CAPS2: variants seen among roughly 807,000 people sequenced by gnomAD.
The protein encoded by CAPS2 is calcyphosin-2.
A neutral mutation model predicts 86.5 loss-of-function variants in CAPS2; 98 were observed. The ratio of observed to expected loss-of-function variants is 1.13; its 90% CI spans 0.96 to 1.34. The LOEUF is 1.34. Among genes scored for constraint, CAPS2 ranks in the 40% most tolerant of loss-of-function variants. The pLI, the probability that CAPS2 is intolerant of heterozygous loss-of-function variation, is 0.00. For synonymous variants in CAPS2, 210 were observed against 225.1 expected, an observed-to-expected ratio of 0.93 and a Z score of 0.60; for missense variants, 729 against 686.8, an observed-to-expected ratio of 1.06 and a Z score of -0.69.
chr12:75,326,668 A>G (rs1240825646), upstream of CAPS2: 5 of 559,136 alleles, frequency 8.9e-6, no homozygotes, highest in Non-Finnish European at 1.6e-5. Flanking sequence ...TCAACTTTTT[A>G]TAGGGCAATT....
At chr12:75,384,039 G>T (rs2045147477) in intron 1 of CAPS2, among the ~76,000 whole-genome samples, 1 of 152,050 alleles carries the variant, frequency 6.6e-6, no homozygotes, top group Admixed American at 6.6e-5. Context: ...AGGTAAATTT[G>T]TAGCATTGAA....
intron 14 of CAPS2, among the ~76,000 whole-genome samples, chr12:75,287,794 A>C (rs770872955): frequency 6.6e-6 from 1 of 152,150 alleles, no homozygotes; most frequent in Non-Finnish European, 1.5e-5. Context: ...AATTGAACCC[A>C]AGGAGGGGGT....
At chr12:75,367,756 G>A (rs1018412196) in intron 1 of CAPS2, among the ~76,000 whole-genome samples, 17 of 151,958 alleles carry the variant, frequency 1.1e-4, no homozygotes, top group Admixed American at 2.0e-4. Flanking sequence ...AAAATAATGC[G>A]TTTTGTTCTT....
chr12:75,367,453 C>G (rs1291206312), intron 1 of CAPS2, among the ~76,000 whole-genome samples: 1 of 151,970 alleles, frequency 6.6e-6, no homozygotes, highest in African/African-American at 2.4e-5. Flanking sequence ...AATACGAATA[C>G]ACACATTAGC....
chr12:75,285,372 G>A (rs2034692007), intron 14 of CAPS2, among the ~76,000 whole-genome samples: 1 of 151,394 alleles, frequency 6.6e-6, no homozygotes, highest in South Asian at 2.1e-4. Flanking sequence ...ATAGTTATAG[G>A]GCACAATATG....
chr12:75,339,321 T>C (rs1428652445), intron 1 of CAPS2, among the ~76,000 whole-genome samples: 1 of 152,216 alleles, frequency 6.6e-6, no homozygotes, highest in Non-Finnish European at 1.5e-5. Flanking sequence ...TATCCAATTG[T>C]GGTTTTGATT....
intron 1 of CAPS2, among the ~76,000 whole-genome samples, chr12:75,355,777 A>G (rs979215300): frequency 6.6e-6 from 1 of 152,182 alleles, no homozygotes; most frequent in African/African-American, 2.4e-5. Flanking sequence ...TACATATACA[A>G]CATGGAATAC....
chr12:75,302,700 T>C (rs2037966016), intron 8 of CAPS2, among the ~76,000 whole-genome samples: 1 of 152,150 alleles, frequency 6.6e-6, no homozygotes, highest in Non-Finnish European at 1.5e-5. Flanking sequence ...AAATAAATAT[T>C]AAGAAGACAG....
chr12:75,305,134 A>G (rs1030558499), intron 7 of CAPS2, among the ~76,000 whole-genome samples: 6 of 152,200 alleles, frequency 3.9e-5, no homozygotes, highest in Non-Finnish European at 8.8e-5. Flanking sequence ...TTATTTTACT[A>G]TTCTTTAAAC....
chr12:75,276,865 A>G (rs2033026342), downstream of CAPS2: 23 of 974,694 alleles, frequency 2.4e-5, no homozygotes, highest in Non-Finnish European at 2.7e-5. Context: ...AACATTTTCA[A>G]AAGGTCTTTT....
At chr12:75,304,008 C>CT (rs1253925149) in intron 8 of CAPS2, among the ~76,000 whole-genome samples, 1 of 152,098 alleles carries the variant, frequency 6.6e-6, no homozygotes, top group African/African-American at 2.4e-5. Flanking sequence ...GAATGTAGCC[C>CT]TATCAATCCC....
intron 1 of CAPS2, among the ~76,000 whole-genome samples, chr12:75,389,239 G>C (rs1174204579): frequency 1.3e-5 from 2 of 152,158 alleles, no homozygotes; most frequent in Non-Finnish European, 2.9e-5. Flanking sequence ...ACTGTTTGAT[G>C]ATTCATCTGT....
upstream of CAPS2, among the ~76,000 whole-genome samples, chr12:75,332,649 A>G (rs1231552892): frequency 6.6e-6 from 1 of 152,172 alleles, no homozygotes; most frequent in Non-Finnish European, 1.5e-5. Context: ...TGTATACAAC[A>G]TTATTAGAAA....
At chr12:75,334,431 G>C (rs879737603), upstream of CAPS2, 11 of 1,163,996 alleles carry the variant, frequency 9.5e-6, no homozygotes, top group Admixed American at 4.2e-5. Flanking sequence ...CAATCCAGAC[G>C]CGCTCTGCAG....
intron 1 of CAPS2, among the ~76,000 whole-genome samples, chr12:75,359,357 CTTTTTTT>C (rs61616225): frequency 3.5e-5 from 1 of 28,600 alleles, no homozygotes; most frequent in Non-Finnish European, 6.6e-5. Context: ...GCATTGTTGT[CTTTTTTT>C]TTTTTTTTTT....
intron 14 of CAPS2, among the ~76,000 whole-genome samples, chr12:75,288,402 G>C (rs2035275204): frequency 6.6e-6 from 1 of 152,114 alleles, no homozygotes; most frequent in African/African-American, 2.4e-5. Context: ...AATTACCTCT[G>C]GATTGCTCAG....
chr12:75,385,174 A>T (rs1206904514), intron 1 of CAPS2, among the ~76,000 whole-genome samples: 1 of 152,160 alleles, frequency 6.6e-6, no homozygotes, highest in African/African-American at 2.4e-5. Flanking sequence ...CCTCAACCTT[A>T]TGTTCTCAGC....
intron 1 of CAPS2, among the ~76,000 whole-genome samples, chr12:75,346,378 T>A (rs911080411): frequency 6.6e-6 from 1 of 152,132 alleles, no homozygotes; most frequent in Non-Finnish European, 1.5e-5. Flanking sequence ...ACCACAAAGA[T>A]GGCTGAAAGC....
chr12:75,330,286 ACCT>A (rs199830193), upstream of CAPS2, among the ~76,000 whole-genome samples: 1,051 of 152,022 alleles, frequency 6.9e-3, 10 homozygotes, highest in African/African-American at 0.02. Context: ...AAGGGGTGAA[ACCT>A]CAGCTACAGC....
Sources: allele counts gnomAD v4.1 joint callset (sites outside exome capture counted in the v4.1 genomes callset), GRCh38; gene constraint gnomAD v4.1.1; transcripts MANE v1.5; gene names NCBI Gene and HGNC (gene_info 2026-07-23, HGNC 2026-07-21).